Variants in ERC1 observed in about 807,000 individuals in gnomAD.
ERC1 encodes the protein RAB6 interacting protein 2.
In ERC1, 56 loss-of-function variants were observed where a neutral mutation model predicts 132.0. The ratio of observed to expected loss-of-function variants is 0.42; its 90% CI spans 0.34 to 0.53. The LOEUF (loss-of-function observed/expected upper bound fraction) is 0.53, where lower values mean the gene tolerates loss of function less well. ERC1 is among the 20% of genes least tolerant of loss of function. The pLI, the probability that ERC1 is intolerant of heterozygous loss-of-function variation, is 0.03. For missense variants in ERC1, 1,202 were observed against 1,349.9 expected (o/e 0.89, Z 1.72); for synonymous variants, 478 against 476.1 (o/e 1.00, Z -0.05).
At chr12:1,054,967 G>A (rs1427045071) in intron 2 of ERC1, among the ~76,000 whole-genome samples, 1 of 152,118 alleles carries the variant, frequency 6.6e-6, no homozygotes, top group Non-Finnish European at 1.5e-5. Context: ...TTATTCTTAA[G>A]AGTAAAATCA....
chr12:1,034,065 A>G (rs1483665544), intron 2 of ERC1, among the ~76,000 whole-genome samples: 1 of 152,234 alleles, frequency 6.6e-6, no homozygotes, highest in East Asian at 1.9e-4. Flanking sequence ...TAGGGGTTGT[A>G]TTGGGTTCTT....
At chr12:1,065,632 T>A (rs1202493459) in intron 2 of ERC1, among the ~76,000 whole-genome samples, 5 of 151,798 alleles carry the variant, frequency 3.3e-5, no homozygotes, top group African/African-American at 1.2e-4. Context: ...GAGAATTAAT[T>A]GAGTTTCTTT....
At chr12:1,394,036 AAAAAAAAACCAC>A (rs1475473224) in intron 16 of ERC1, among the ~76,000 whole-genome samples, 14,088 of 117,596 alleles carry the variant, frequency 0.12, 1,848 homozygotes, top group Non-Finnish European at 0.17. Context: ...AAAAAAAACA[AAAAAAAAACCAC>A]AAAGCATTAA....
chr12:1,137,472 A>G (rs1385670215), intron 7 of ERC1, among the ~76,000 whole-genome samples: 1 of 152,124 alleles, frequency 6.6e-6, no homozygotes. Context: ...CAGTTTTATC[A>G]TCTTTTAAAA....
At chr12:1,111,978 A>G (rs781027993) in intron 5 of ERC1, among the ~76,000 whole-genome samples, 2 of 152,132 alleles carry the variant, frequency 1.3e-5, no homozygotes, top group African/African-American at 2.4e-5. Context: ...ATAGTGCCGT[A>G]TGATCTCTGT....
At chr12:1,249,678 C>T (rs1297693176) in intron 13 of ERC1, among the ~76,000 whole-genome samples, 1 of 152,152 alleles carries the variant, frequency 6.6e-6, no homozygotes, top group Non-Finnish European at 1.5e-5. Flanking sequence ...GCATCTTAGC[C>T]TGGTCTCTTA....
At chr12:1,184,235 T>A (rs547064852) in intron 11 of ERC1, among the ~76,000 whole-genome samples, 1 of 152,194 alleles carries the variant, frequency 6.6e-6, no homozygotes, top group Admixed American at 6.5e-5. Context: ...TTGTTAAATA[T>A]CCTGTTTCAG....
At chr12:1,394,349 G>A (rs149548971) in intron 16 of ERC1, among the ~76,000 whole-genome samples, 4,864 of 152,140 alleles carry the variant, frequency 0.032, 87 homozygotes, top group Middle Eastern at 0.071. Flanking sequence ...GCAGTGAGCC[G>A]AGATTGCGCC....
intron 1 of ERC1, among the ~76,000 whole-genome samples, chr12:1,004,243 T>C (rs1156540038): frequency 1.3e-5 from 2 of 152,152 alleles, no homozygotes; most frequent in South Asian, 2.1e-4. Context: ...TTTCCTCCTA[T>C]ACCTAGATTT....
At position 1,028,000 on chromosome 12, in the gene ERC1, C is replaced by G; in HGVS notation, c.97C>G (p.Arg33Gly). The change falls in exon 2 of 19, where the codon CGT becomes GGT. Residue 33 changes from arginine (R) to glycine (G), a missense_variant. By Grantham distance (125) the Arg-to-Gly change is moderately radical. Coordinates refer to ENST00000360905, the MANE Select transcript of ERC1 (RefSeq NM_178040.4). The stretch of plus-strand genomic sequence containing the variant: ...TCCACGTTCCCCTCGCTTGGGTCAC[C>G]GTCGAACCAACAGTACGGGAGGGAG... ...RLPRSPRLGH[R>G]RTNSTGGSSG... is the part of the protein sequence containing the mutation. 1 of 1,614,094 alleles carries G rather than the reference C, an allele frequency of 6.2e-7. No homozygotes were observed. Among genetic ancestry groups the G allele is most frequent in the Non-Finnish European group, 8.5e-7 (1 of 1,180,018 alleles).
intron 12 of ERC1, among the ~76,000 whole-genome samples, chr12:1,234,568 G>A (rs1044526218): frequency 1.8e-4 from 28 of 152,212 alleles, no homozygotes; most frequent in Admixed American, 1.8e-3. Flanking sequence ...GCTGTAGTTG[G>A]TTGGTTGGTT....
intron 12 of ERC1, among the ~76,000 whole-genome samples, chr12:1,191,347 C>T (rs181079715): frequency 2.0e-5 from 3 of 152,238 alleles, no homozygotes; most frequent in Non-Finnish European, 4.4e-5. Context: ...TACGTGCTTA[C>T]GTGAATACAT....
intron 2 of ERC1, among the ~76,000 whole-genome samples, chr12:1,037,150 A>G (rs1969242174): frequency 6.6e-6 from 1 of 152,244 alleles, no homozygotes; most frequent in African/African-American, 2.4e-5. Flanking sequence ...AAAATGTTGC[A>G]CAAATATGAG....
At chr12:1,206,043 G>A (rs1026143715) in intron 12 of ERC1, among the ~76,000 whole-genome samples, 6 of 152,208 alleles carry the variant, frequency 3.9e-5, no homozygotes, top group African/African-American at 1.4e-4. Flanking sequence ...TTACCCAGCA[G>A]CAAATGCCAT....
At chr12:1,196,859 ACTCT>A (rs1196181216) in intron 12 of ERC1, among the ~76,000 whole-genome samples, 4,301 of 33,524 alleles carry the variant, frequency 0.13, 479 homozygotes, top group African/African-American at 0.27. Flanking sequence ...TCTCTCTCTC[ACTCT>A]CTCTCTCTCT....
chr12:1,392,810 CTGTTTTT>C (rs2090089119), intron 16 of ERC1, among the ~76,000 whole-genome samples: 1 of 152,048 alleles, frequency 6.6e-6, no homozygotes, highest in African/African-American at 2.4e-5. Context: ...TGGTGGTTTT[CTGTTTTT>C]TTCTTCTACA....
intron 12 of ERC1, among the ~76,000 whole-genome samples, chr12:1,211,444 G>A (rs944351394): frequency 6.6e-6 from 1 of 152,042 alleles, no homozygotes; most frequent in Non-Finnish European, 1.5e-5. Flanking sequence ...CACCGTGCCC[G>A]GCCTAAGTTG....
chr12:1,041,664 A>G (rs1970236395), intron 2 of ERC1, among the ~76,000 whole-genome samples: 1 of 152,180 alleles, frequency 6.6e-6, no homozygotes, highest in Non-Finnish European at 1.5e-5. Context: ...AAATATTATG[A>G]CCTGTGACAT....
rs541273684 is a variant in ERC1, at chr12:1,279,683, T to A, written c.2620-10169T>A. On this transcript the variant is annotated intron_variant, in intron 14 of 18. Coordinates refer to ENST00000360905, the MANE Select transcript of ERC1 (RefSeq NM_178040.4). ...CTTTTTTTTTTTTTTAATTTTATTT[T>A]ATTTTATTTATTTATTTTTTTTTGA... Among the ~76,000 whole-genome samples, 65 of 151,058 alleles carry A rather than the reference T, an allele frequency of 4.3e-4. No homozygotes were observed. In the East Asian group the frequency reaches 5.6e-3, roughly 13 times the overall value.
Sources: allele counts gnomAD v4.1 joint callset (sites outside exome capture counted in the v4.1 genomes callset), GRCh38; gene constraint gnomAD v4.1.1; transcripts MANE v1.5; gene names NCBI Gene and HGNC (gene_info 2026-07-23, HGNC 2026-07-21).